Variants in STK17B observed in about 807,000 individuals in gnomAD.
STK17B encodes the protein serine/threonine-protein kinase 17B.
In STK17B, 21 loss-of-function variants were observed where a neutral mutation model predicts 42.0. The observed-to-expected ratio is 0.50, with a 90% CI of 0.35 to 0.72. The LOEUF is 0.72. Ranked by LOEUF, STK17B falls within the 30% of genes least tolerant of loss-of-function variation. STK17B has a pLI of 0.00. For missense variants in STK17B, 349 were observed against 446.0 expected (o/e 0.78, Z 1.96); for synonymous variants, 143 against 148.4 (o/e 0.96, Z 0.26).
At chr2:196,167,079 A>T (rs1347617693) in intron 1 of STK17B, among the ~76,000 whole-genome samples, 1 of 152,188 alleles carries the variant, frequency 6.6e-6, no homozygotes, top group Non-Finnish European at 1.5e-5. Context: ...TTTGCCTGAA[A>T]AAGCCTTTCT....
At chr2:196,153,490 A>C (rs1325579506) in intron 3 of STK17B, 4 of 152,174 alleles carry the variant, frequency 2.6e-5, no homozygotes, top group Non-Finnish European at 5.9e-5. Context: ...GATTTTGAAA[A>C]AATATGATTT....
rs1699739214 is a variant in STK17B, at chr2:196,156,444, C to T, written c.330G>A (p.Leu110=). The change falls in exon 3 of 8, where the codon TTG becomes TTA. Residue 110 remains leucine (L), a synonymous_variant. Coordinates refer to ENST00000263955, the MANE Select transcript of STK17B (RefSeq NM_004226.4). ...YENTSEIILI[L]EYAAGGEIFS... is the part of the protein sequence containing the mutation. Reference sequence around the variant, plus strand: ...ACTATTTAGTATATACTTACTATTCCAATATCAAAATGATTTCACTTGTAT... The same window carrying T: ...ACTATTTAGTATATACTTACTATTCTAATATCAAAATGATTTCACTTGTAT... 3 of 1,610,560 alleles carry T rather than the reference C, an allele frequency of 1.9e-6. No homozygotes were observed. Among genetic ancestry groups the T allele is most frequent in the Non-Finnish European group, 1.7e-6 (2 of 1,177,450 alleles).
chr2:196,172,972 C>A (rs893859990), upstream of STK17B, among the ~76,000 whole-genome samples: 4 of 152,116 alleles, frequency 2.6e-5, no homozygotes, highest in African/African-American at 9.7e-5. Context: ...TTGGGGGTCA[C>A]AGGATTACAT....
At chr2:196,137,996 ACC>A (rs1699432450) in intron 7 of STK17B, among the ~76,000 whole-genome samples, 2 of 152,196 alleles carry the variant, frequency 1.3e-5, no homozygotes, top group Admixed American at 1.3e-4. Flanking sequence ...TACTATTATT[ACC>A]CTCATTTAAC....
chr2:196,139,640 G>C lies in STK17B; in HGVS notation c.816C>G (p.Ser272Arg). ...CTTACTCTGGATTTTTTACTAAAAG[G>C]CTCTGAATAAAGTCTGTGGCCAGCT... ...VSQLATDFIQSLLVKNPEKRP... is the reference protein window; with the variant it reads ...VSQLATDFIQRLLVKNPEKRP... The change falls in exon 7 of 8, where the codon AGC (serine) becomes AGG (arginine). Residue 272 changes from serine to arginine, a missense_variant. Ser to Arg is a moderately radical substitution (Grantham distance 110). Transcript: ENST00000263955. The C allele has an allele frequency of 7.2e-7, 1 of 1,396,114 alleles. No homozygotes were observed. The highest frequency in any genetic ancestry group is 9.4e-7 in the Non-Finnish European group (1 of 1,067,050). 86.5% of individuals were successfully genotyped at this position (1,396,114 alleles called of 1,614,324 possible). A position where few individuals can be genotyped will look rare whatever the true frequency, so the allele number is the denominator to read the frequency against.
At chr2:196,171,248 C>T (rs1699938847) in intron 1 of STK17B, 85 bp downstream of exon 1, 1 of 152,286 alleles carries the variant, frequency 6.6e-6, no homozygotes, top group African/African-American at 2.4e-5. Context: ...TCGGGTCCTC[C>T]TTCCTCACGT....
intron 1 of STK17B, among the ~76,000 whole-genome samples, chr2:196,168,984 C>G (rs557899751): frequency 1.3e-5 from 2 of 150,886 alleles, no homozygotes; most frequent in East Asian, 3.9e-4. Flanking sequence ...TCTGACAAAA[C>G]AAATACCCAT....
At chr2:196,168,629 C>G (rs1699898507) in intron 1 of STK17B, among the ~76,000 whole-genome samples, 1 of 151,878 alleles carries the variant, frequency 6.6e-6, no homozygotes. Flanking sequence ...AAATACAATG[C>G]ATATAAATAT....
In STK17B at chr2:196,143,216, T is replaced by C. The variant is rs932388746; in HGVS notation, c.607+344A>G. Reference sequence around the variant, plus strand: ...AACAGCCAGGCTTCAAAGACAATCATGGGCCACTTCACTGCAGCAGTTTTT... The same window carrying C: ...AACAGCCAGGCTTCAAAGACAATCACGGGCCACTTCACTGCAGCAGTTTTT... On this transcript the variant is annotated intron_variant, in intron 5 of 7. Transcript: ENST00000263955. 3.3e-5 allele frequency among the ~76,000 whole-genome samples: 5 copies of C among 152,180 alleles called. No homozygotes were observed. The South Asian group carries it at 6.2e-4, about 19-fold the overall frequency.
chr2:196,146,894 A>C (rs1699584934), intron 3 of STK17B, among the ~76,000 whole-genome samples: 1 of 152,220 alleles, frequency 6.6e-6, no homozygotes. Context: ...CATGCAGAAT[A>C]CTTGGGGCCA....
Position 196,136,631 on chromosome 2 carries a change from A to G in STK17B, c.*816T>C, listed in dbSNP as rs1213342729. 1 of 152,240 alleles carries G rather than the reference A, an allele frequency of 6.6e-6. No individual in the cohort carries two copies. Among genetic ancestry groups the G allele is most frequent in the Non-Finnish European group, 1.5e-5 (1 of 68,038 alleles). The allele number at this position is 152,240 out of a possible 1,614,324, so 9.4% of individuals were successfully genotyped here. ...TTAATAAATATGTTTGACTAAAAAT[A>G]CAGAATATTTAACTATACCTAAGTA... On this transcript the variant is annotated 3_prime_UTR_variant, in exon 8 of 8. Coordinates refer to ENST00000263955, the MANE Select transcript of STK17B (RefSeq NM_004226.4).
chr2:196,154,554 A>G (rs1699713470), intron 3 of STK17B: 1 of 152,254 alleles, frequency 6.6e-6, no homozygotes, highest in South Asian at 2.1e-4. Flanking sequence ...GAAGAGTATA[A>G]GGATGTTAAT....
At chr2:196,158,839 G>A (rs1009283460) in intron 2 of STK17B, among the ~76,000 whole-genome samples, 1 of 151,706 alleles carries the variant, frequency 6.6e-6, no homozygotes, top group Non-Finnish European at 1.5e-5. Flanking sequence ...ATGAAATCCC[G>A]TCTCTACTAA....
In STK17B at chr2:196,144,739, C is replaced by T. The variant is rs185409929; in HGVS notation, c.481-1053G>A. Among the ~76,000 whole-genome samples the T allele has an allele frequency of 8.5e-5, 13 of 152,228 alleles. No homozygotes were observed. In the East Asian group the frequency reaches 2.5e-3, roughly 29 times the overall value. Reference sequence around the variant, plus strand: ...ACCACGTGACTTTGCTTTACTACTACTGCAGGCCCACGGCCTATTACAAAG... The same window carrying T: ...ACCACGTGACTTTGCTTTACTACTATTGCAGGCCCACGGCCTATTACAAAG... On this transcript the variant is annotated intron_variant, in intron 4 of 7. Transcript: ENST00000263955.
intron 1 of STK17B, among the ~76,000 whole-genome samples, 194 bp from the exon 2 acceptor site, chr2:196,163,621 T>C (rs1699840649): frequency 6.6e-6 from 1 of 152,060 alleles, no homozygotes; most frequent in Non-Finnish European, 1.5e-5. Context: ...TTGAACGAAG[T>C]TACTGACTTC....
rs1699430407 is a variant in STK17B at position 196,137,837 on chromosome 2, A to G, written c.837-108T>C. 2.2e-5 allele frequency: 27 copies of G among 1,218,146 alleles called. 2 individuals carry two copies. In the South Asian group the frequency reaches 4.1e-4, roughly 18 times the overall value. 75.5% of individuals were successfully genotyped at this position (1,218,146 alleles called of 1,614,324 possible). The stretch of plus-strand genomic sequence containing the variant: ...TTTTTACTTCTTGTGAAAATAAAAC[A>G]TACTCATAGTATAAAATCCAAACAG... On this transcript the variant is annotated intron_variant, in intron 7 of 7. Transcript: ENST00000263955.
At chr2:196,141,423 G>A (rs1274475788) in intron 5 of STK17B, 126 bp from the exon 6 acceptor site, 25 of 688,068 alleles carry the variant, frequency 3.6e-5, no homozygotes, top group Non-Finnish European at 5.7e-5. Context: ...ACTTTGGGAG[G>A]CTGAGGCAGG....
chr2:196,165,033 T>C (rs907677019), intron 1 of STK17B, among the ~76,000 whole-genome samples: 8 of 152,304 alleles, frequency 5.3e-5, no homozygotes, highest in African/African-American at 1.4e-4. Context: ...AATTAAATTA[T>C]TTAACTTTGC....
upstream of STK17B, among the ~76,000 whole-genome samples, chr2:196,175,607 G>A (rs1277550785): frequency 1.3e-5 from 2 of 152,156 alleles, no homozygotes; most frequent in Non-Finnish European, 2.9e-5. Context: ...CAGCTTGGGC[G>A]ACAAAGCGAG....
Sources: gnomAD v4.1 joint callset for allele counts (sites outside exome capture counted in the v4.1 genomes callset) on GRCh38, gnomAD v4.1.1 for gene constraint, MANE v1.5 for transcripts, NCBI Gene and HGNC (gene_info 2026-07-23, HGNC 2026-07-21) for gene names.